The following FHIT variants were observed in gnomAD, a reference collection of about 807,000 sequenced individuals.
FHIT encodes the protein bis(5'-adenosyl)-triphosphatase.
FHIT carries 19 observed loss-of-function variants against 17.9 expected under a neutral mutation model. That is an observed-to-expected ratio of 1.06 (90% CI 0.74 to 1.56). FHIT has a LOEUF of 1.56. Ranked by LOEUF, FHIT falls within the 40% of genes most tolerant of loss-of-function variation. The probability of loss-of-function intolerance (pLI) is 0.00; values close to 1 mark genes in which losing one functional copy is unlikely to be tolerated. For missense variants in FHIT, 248 were observed against 189.2 expected (o/e 1.31, Z -1.82); for synonymous variants, 81 against 69.7 (o/e 1.16, Z -0.81).
chr3:59,856,996 G>A (rs1403558514), intron 8 of FHIT, among the ~76,000 whole-genome samples: 1 of 152,000 alleles, frequency 6.6e-6, no homozygotes. Flanking sequence ...AGTCACATAA[G>A]TTGCAAAAAG....
intron 5 of FHIT, among the ~76,000 whole-genome samples, chr3:60,283,082 G>A (rs1017521845): frequency 2.0e-5 from 3 of 152,106 alleles, no homozygotes; most frequent in Non-Finnish European, 4.4e-5. Flanking sequence ...CCTTTGGAGA[G>A]TGCACACTTG....
At chr3:60,576,147 A>G (rs2037557495) in intron 4 of FHIT, among the ~76,000 whole-genome samples, 1 of 152,112 alleles carries the variant, frequency 6.6e-6, no homozygotes, top group Non-Finnish European at 1.5e-5. Context: ...AACAAAGATT[A>G]CCCAACACAA....
chr3:60,898,285 TA>T (rs529187532), intron 3 of FHIT, among the ~76,000 whole-genome samples: 4 of 151,978 alleles, frequency 2.6e-5, no homozygotes, highest in African/African-American at 9.7e-5. Context: ...TCTTAGGATT[TA>T]AAAAAAATAT....
intron 2 of FHIT, among the ~76,000 whole-genome samples, chr3:61,092,345 C>T (rs1427438622): frequency 2.0e-5 from 3 of 152,110 alleles, no homozygotes; most frequent in African/African-American, 4.8e-5. Flanking sequence ...CGACCCACTA[C>T]GTCAAGCTCA....
intron 7 of FHIT, among the ~76,000 whole-genome samples, chr3:59,944,506 A>AT (rs1377142389): frequency 3.6e-5 from 3 of 83,774 alleles, no homozygotes; most frequent in Non-Finnish European, 5.7e-5. Flanking sequence ...TTTATTAAAC[A>AT]TTTTTTTCTT....
intron 1 of FHIT, among the ~76,000 whole-genome samples, chr3:61,232,872 C>T (rs574045107): frequency 8.5e-5 from 13 of 152,246 alleles, no homozygotes; most frequent in African/African-American, 3.1e-4. Context: ...CATTATATAA[C>T]AGTCAAACCA....
intron 8 of FHIT, among the ~76,000 whole-genome samples, chr3:59,859,598 A>C (rs1161256825): frequency 3.3e-5 from 5 of 152,184 alleles, no homozygotes; most frequent in Admixed American, 6.5e-5. Flanking sequence ...GTGTGCCTGT[A>C]ATCCCAGCTA....
At chr3:60,834,544 A>G (rs1393629617) in intron 3 of FHIT, among the ~76,000 whole-genome samples, 2 of 152,082 alleles carry the variant, frequency 1.3e-5, no homozygotes, top group Non-Finnish European at 2.9e-5. Context: ...TCCAGCCTGT[A>G]GTTATTCTTT....
At chr3:60,525,423 G>A (rs1204462829) in intron 5 of FHIT, among the ~76,000 whole-genome samples, 1 of 152,084 alleles carries the variant, frequency 6.6e-6, no homozygotes, top group Non-Finnish European at 1.5e-5. Flanking sequence ...CCTACCTAAT[G>A]TGGTATTGAC....
chr3:60,492,121 G>A (rs535246400), intron 5 of FHIT, among the ~76,000 whole-genome samples: 1 of 152,044 alleles, frequency 6.6e-6, no homozygotes, highest in African/African-American at 2.4e-5. Flanking sequence ...CCACTCACTT[G>A]TTCACATAAT....
chr3:60,847,852 A>T (rs1702986871), intron 3 of FHIT, among the ~76,000 whole-genome samples: 1 of 152,130 alleles, frequency 6.6e-6, no homozygotes. Context: ...AACTCCCTCC[A>T]GGGTATTTCT....
At chr3:60,728,606 G>A (rs1403377989) in intron 4 of FHIT, among the ~76,000 whole-genome samples, 1 of 150,502 alleles carries the variant, frequency 6.6e-6, no homozygotes, top group Non-Finnish European at 1.5e-5. Context: ...AAAAAAAATT[G>A]TTTATTGTTT....
intron 5 of FHIT, among the ~76,000 whole-genome samples, chr3:60,320,828 G>T (rs369384288): frequency 6.6e-6 from 1 of 152,116 alleles, no homozygotes; most frequent in African/African-American, 2.4e-5. Flanking sequence ...TAATCTTTCT[G>T]ATAATTCTTT....
At chr3:60,923,608 C>G (rs1707405806) in intron 3 of FHIT, among the ~76,000 whole-genome samples, 1 of 152,150 alleles carries the variant, frequency 6.6e-6, no homozygotes, top group South Asian at 2.1e-4. Context: ...AGGAACAGCT[C>G]CAGTCTACAG....
At chr3:60,725,469 G>T (rs1553709204) in intron 4 of FHIT, among the ~76,000 whole-genome samples, 1 of 152,138 alleles carries the variant, frequency 6.6e-6, no homozygotes. Context: ...TGTATACAGT[G>T]TGAGGTAGGG....
In FHIT at chr3:60,797,395, A is replaced by G. The variant is rs557591109; in HGVS notation, c.-18+24524T>C. On this transcript the variant is annotated intron_variant, in intron 4 of 9. Transcript: ENST00000492590. ...GACAGGATTTGAGCAGTGGAAAGGC[A>G]TAAATAAGAAAAAGAGAAATTAATT... Among the ~76,000 whole-genome samples the G allele has an allele frequency of 3.9e-5, 6 of 152,278 alleles. No individual in the cohort carries two copies. The South Asian group carries it at 1.0e-3, about 26-fold the overall frequency.
intron 5 of FHIT, among the ~76,000 whole-genome samples, chr3:60,352,913 C>T (rs1326956334): frequency 6.6e-6 from 1 of 152,108 alleles, no homozygotes; most frequent in South Asian, 2.1e-4. Flanking sequence ...AGAGTGGCCT[C>T]GCATTCTCAG....
chr3:61,043,808 T>C (rs1257881230), intron 2 of FHIT, among the ~76,000 whole-genome samples: 1 of 152,100 alleles, frequency 6.6e-6, no homozygotes, highest in Non-Finnish European at 1.5e-5. Flanking sequence ...GCAGCAACAT[T>C]TGCCATTCTG....
intron 2 of FHIT, among the ~76,000 whole-genome samples, chr3:61,181,484 GA>G: frequency 6.6e-6 from 1 of 152,036 alleles, no homozygotes; most frequent in Admixed American, 6.6e-5. Flanking sequence ...AACTGGTGGG[GA>G]AAAAAACAGT....
Sources: allele counts gnomAD v4.1 joint callset (sites outside exome capture counted in the v4.1 genomes callset), GRCh38; gene constraint gnomAD v4.1.1; transcripts MANE v1.5; gene names NCBI Gene and HGNC (gene_info 2026-07-23, HGNC 2026-07-21).